MCUR1: variants seen among roughly 807,000 people sequenced by gnomAD.
MCUR1 encodes the protein mitochondrial calcium uniporter regulator 1, also known as MCU regulator 1.
Under a neutral mutation model 42.0 loss-of-function variants are expected in MCUR1, and 37 were observed. The ratio of observed to expected loss-of-function variants is 0.88; its 90% CI spans 0.68 to 1.16. MCUR1 has a LOEUF of 1.16. Among genes scored for constraint, MCUR1 ranks in the 50% most tolerant of loss-of-function variants. The pLI, the probability that MCUR1 is intolerant of heterozygous loss-of-function variation, is 0.00. For missense variants in MCUR1, 469 were observed against 468.4 expected (o/e 1.00, Z -0.01); for synonymous variants, 229 against 196.2 (o/e 1.17, Z -1.40).
chr6:13,801,752 A>C (rs1759994756), intron 3 of MCUR1, among the ~76,000 whole-genome samples: 1 of 152,124 alleles, frequency 6.6e-6, no homozygotes, highest in Non-Finnish European at 1.5e-5. Flanking sequence ...TGGGAGGCTG[A>C]TGTGGGAGGA....
At chr6:13,807,224 C>T (rs933358373) in intron 1 of MCUR1, among the ~76,000 whole-genome samples, 180 bp from the exon 2 acceptor site, 2 of 152,206 alleles carry the variant, frequency 1.3e-5, no homozygotes, top group African/African-American at 4.8e-5. Flanking sequence ...TAGAGTTGTG[C>T]TACCATCCCA....
chr6:13,800,316 CAACA>C (rs1584985878), intron 5 of MCUR1, 21 bp downstream of exon 5: 1 of 1,527,910 alleles, frequency 6.5e-7, no homozygotes, highest in Non-Finnish European at 8.9e-7. Flanking sequence ...ACAAACCAGC[CAACA>C]AACAGGAAAG....
chr6:13,800,241 C>A (rs1036455265), intron 5 of MCUR1, 100 bp downstream of exon 5: 1 of 803,278 alleles, frequency 1.2e-6, no homozygotes, highest in Non-Finnish European at 2.0e-6. Flanking sequence ...AAACATTTCA[C>A]AAAGAATTAA....
chr6:13,790,643 G>T lies in MCUR1; in HGVS notation c.*166C>A. The T allele has an allele frequency of 2.3e-6, 1 of 443,498 alleles. No homozygotes were observed. Among genetic ancestry groups the T allele is most frequent in the Non-Finnish European group, 4.2e-6 (1 of 236,668 alleles). The allele number at this position is 443,498 out of a possible 1,614,324, so 27.5% of individuals were successfully genotyped here. ...ATGTTTTAATTTTTTAGTAGAGACGGGGTTTCACCGTGTTGGCCAGGCTGG... is the reference window on the plus strand; with the variant it reads ...ATGTTTTAATTTTTTAGTAGAGACGTGGTTTCACCGTGTTGGCCAGGCTGG... On this transcript the variant is annotated 3_prime_UTR_variant, in exon 9 of 9. Transcript: ENST00000379170.
At chr6:13,795,904 TAAA>T (rs1759843923) in intron 6 of MCUR1, among the ~76,000 whole-genome samples, 2 of 151,960 alleles carry the variant, frequency 1.3e-5, no homozygotes, top group Non-Finnish European at 2.9e-5. Context: ...AATGAAACAC[TAAA>T]AAAAGACTAT....
chr6:13,793,000 C>T (rs1759766032), intron 7 of MCUR1, among the ~76,000 whole-genome samples: 1 of 151,474 alleles, frequency 6.6e-6, no homozygotes, highest in African/African-American at 2.4e-5. Flanking sequence ...AACAAACTCT[C>T]AAGTAGGGCA....
rs1366649072 is a variant in MCUR1 at position 13,789,220 on chromosome 6, G to C, written c.*1589C>G. 5.9e-5 allele frequency: 9 copies of C among 152,242 alleles called. No homozygotes were observed. Among genetic ancestry groups the C allele is most frequent in the Admixed American group, 5.2e-4 (8 of 15,280 alleles). The allele number at this position is 152,242 out of a possible 1,614,324, so 9.4% of individuals were successfully genotyped here. A position where few individuals can be genotyped will look rare whatever the true frequency, so the allele number is the denominator to read the frequency against. On this transcript the variant is annotated 3_prime_UTR_variant, in exon 9 of 9. Transcript: ENST00000379170. The stretch of plus-strand genomic sequence containing the variant: ...GTTAGAGACCAGCCTGGCCAACATG[G>C]TGAAACCTCATCTCTACTAAAAATA...
At chr6:13,810,198 A>C (rs911201298) in intron 1 of MCUR1, among the ~76,000 whole-genome samples, 8 of 151,944 alleles carry the variant, frequency 5.3e-5, no homozygotes, top group Non-Finnish European at 8.8e-5. Context: ...GCGAGACTTC[A>C]TCTCAAAAAA....
rs1307412918 is a variant in MCUR1 at position 13,814,103 on chromosome 6, C to T, written c.327G>A (p.Ala109=). The T allele has an allele frequency of 4.8e-6, 6 of 1,252,850 alleles. No homozygotes were observed. The highest frequency in any genetic ancestry group is 3.6e-5 in the South Asian group (1 of 28,090). The allele number at this position is 1,252,850 out of a possible 1,614,324, so 77.6% of individuals were successfully genotyped here. Residue 109 remains alanine, a synonymous_variant, in exon 1 of 9, where the codon GCG becomes GCA. Transcript: ENST00000379170. ...CGGCGACGCCCGGTGAGCACCTCCA[C>T]GCGCTGCTGCGCCCGGCCGGGGGTG... ...YAAPPAGRSS[A]WRCSPGVAAA... is the part of the protein sequence containing the mutation.
rs1759677660 is a variant in MCUR1, at chr6:13,789,490, G to C, written c.*1319C>G. Reference sequence around the variant, plus strand: ...TCAATATAAAGGCAGGTATGAGAATGTTTTGAACAACAGAATTAATCCATC... The same window carrying C: ...TCAATATAAAGGCAGGTATGAGAATCTTTTGAACAACAGAATTAATCCATC... On this transcript the variant is annotated 3_prime_UTR_variant, in exon 9 of 9. Coordinates refer to ENST00000379170, the MANE Select transcript of MCUR1 (RefSeq NM_001031713.4). 6.6e-6 allele frequency: 1 copy of C among 152,112 alleles called. No individual in the cohort carries two copies. Among genetic ancestry groups the C allele is most frequent in the South Asian group, 2.1e-4 (1 of 4,824 alleles). 9.4% of individuals were successfully genotyped at this position (152,112 alleles called of 1,614,324 possible).
Position 13,810,325 on chromosome 6 carries a change from C to T in MCUR1, c.416-3281G>A, listed in dbSNP as rs545353655. 4.6e-5 allele frequency among the ~76,000 whole-genome samples: 7 copies of T among 151,972 alleles called. No individual in the cohort carries two copies. In the East Asian group the frequency reaches 1.4e-3, roughly 29 times the overall value. ...CTATTAAATATTGTACTAAAAAAGACATTATGACACCAAAAGAAAAAAAAA... is the reference window on the plus strand; with the variant it reads ...CTATTAAATATTGTACTAAAAAAGATATTATGACACCAAAAGAAAAAAAAA... On this transcript the variant is annotated intron_variant, in intron 1 of 8. Transcript: ENST00000379170.
chr6:13,799,059 C>T (rs967063397), intron 5 of MCUR1, among the ~76,000 whole-genome samples, 155 bp from the exon 6 acceptor site: 2 of 152,198 alleles, frequency 1.3e-5, no homozygotes, highest in African/African-American at 2.4e-5. Context: ...AGAAATGGAC[C>T]TAGGCCTCCT....
chr6:13,797,021 G>GT (rs1426681338), intron 6 of MCUR1, among the ~76,000 whole-genome samples: 1 of 152,170 alleles, frequency 6.6e-6, no homozygotes, highest in Non-Finnish European at 1.5e-5. Context: ...GGAGACTGTT[G>GT]TTGTAAGACT....
At chr6:13,798,715 C>G in intron 6 of MCUR1, 118 bp downstream of exon 6, 1 of 688,536 alleles carries the variant, frequency 1.5e-6, no homozygotes, top group East Asian at 3.0e-5. Flanking sequence ...CAGCCTAACA[C>G]TGATAAACAG....
intron 1 of MCUR1, among the ~76,000 whole-genome samples, chr6:13,809,312 T>C (rs1760180093): frequency 6.6e-6 from 1 of 152,248 alleles, no homozygotes; most frequent in South Asian, 2.1e-4. Context: ...GTACTTTTTA[T>C]AAGTTGCTGG....
rs1167460430 is a variant in MCUR1 at position 13,814,119 on chromosome 6, G to A, written c.311C>T (p.Ala104Val). ...RSRLGYAAPP[A>V]GRSSAWRCSP... is the part of the protein sequence containing the mutation. Reference sequence around the variant, plus strand: ...GCACCTCCACGCGCTGCTGCGCCCGGCCGGGGGTGCGGCATACCCGAGGCG... The same window carrying A: ...GCACCTCCACGCGCTGCTGCGCCCGACCGGGGGTGCGGCATACCCGAGGCG... The change falls in exon 1 of 9, where the codon GCC (alanine) becomes GTC (valine). Residue 104 changes from alanine to valine, a missense_variant. Ala to Val is a moderately conservative substitution (Grantham distance 64). Transcript: ENST00000379170. 2 of 1,259,034 alleles carry A rather than the reference G, an allele frequency of 1.6e-6. No individual in the cohort carries two copies. Among genetic ancestry groups the A allele is most frequent in the African/African-American group, 1.6e-5 (1 of 64,254 alleles). 78.0% of individuals were successfully genotyped at this position (1,259,034 alleles called of 1,614,324 possible).
chr6:13,807,352 T>A (rs1033576872), intron 1 of MCUR1, among the ~76,000 whole-genome samples: 14 of 151,976 alleles, frequency 9.2e-5, no homozygotes, highest in African/African-American at 2.9e-4. Context: ...CAAGCACTGG[T>A]CTATTTGCTG....
chr6:13,813,447 C>A (rs921909033), intron 1 of MCUR1, among the ~76,000 whole-genome samples: 4 of 152,004 alleles, frequency 2.6e-5, no homozygotes, highest in Non-Finnish European at 4.4e-5. Context: ...ATACGTATAT[C>A]CACACACACA....
intron 1 of MCUR1, among the ~76,000 whole-genome samples, chr6:13,809,584 A>G (rs913563573): frequency 6.6e-6 from 1 of 151,732 alleles, no homozygotes; most frequent in South Asian, 2.1e-4. Flanking sequence ...GATTTTATGA[A>G]CTGCTAAAAT....
Sources: gnomAD v4.1 joint callset for allele counts (sites outside exome capture counted in the v4.1 genomes callset) on GRCh38, gnomAD v4.1.1 for gene constraint, MANE v1.5 for transcripts, NCBI Gene and HGNC (gene_info 2026-07-23, HGNC 2026-07-21) for gene names.